The following SLC5A8 variants were observed in gnomAD, a reference collection of about 807,000 sequenced individuals.
SLC5A8 encodes sodium-coupled monocarboxylate transporter 1.
A neutral mutation model predicts 71.9 loss-of-function variants in SLC5A8; 55 were observed. That is an observed-to-expected ratio of 0.77 (90% CI 0.62 to 0.96). The LOEUF (loss-of-function observed/expected upper bound fraction) is 0.96, where lower values mean the gene tolerates loss of function less well. SLC5A8 is among the 40% of genes least tolerant of loss of function. SLC5A8 has a pLI of 0.00. For synonymous variants in SLC5A8, 307 were observed against 276.1 expected, an observed-to-expected ratio of 1.11 and a Z score of -1.11; for missense variants, 701 against 745.3, an observed-to-expected ratio of 0.94 and a Z score of 0.69.
At chr12:101,167,436 T>A (rs1299415260) in intron 11 of SLC5A8, among the ~76,000 whole-genome samples, 1 of 152,200 alleles carries the variant, frequency 6.6e-6, no homozygotes, top group Non-Finnish European at 1.5e-5. Context: ...ACATTATCAG[T>A]TTTTCCTGAA....
chr12:101,192,723 TTAGA>T (rs1443029299), intron 5 of SLC5A8, among the ~76,000 whole-genome samples: 1 of 152,210 alleles, frequency 6.6e-6, no homozygotes, highest in African/African-American at 2.4e-5. Context: ...ATACTTCATA[TTAGA>T]TAATGTTCAT....
chr12:101,182,825 C>T lies in SLC5A8; in HGVS notation c.1143G>A (p.Leu381=). 1 of 1,589,494 alleles carries T rather than the reference C, an allele frequency of 6.3e-7. No homozygotes were observed. The highest frequency in any genetic ancestry group is 8.5e-7 in the Non-Finnish European group (1 of 1,171,364). Residue 381 remains leucine, a synonymous_variant, in exon 9 of 15, where the codon CTG becomes CTA. Coordinates refer to ENST00000536262, the MANE Select transcript of SLC5A8 (RefSeq NM_145913.5). ...TACTCATTCCTTGGGAAATCCAAGACAGAGACCTTTCTGAGAGCGATCTGA... is the reference window on the plus strand; with the variant it reads ...TACTCATTCCTTGGGAAATCCAAGATAGAGACCTTTCTGAGAGCGATCTGA... The part of the protein sequence containing the change: ...PYFRSLSERS[L]SWISQGMSVV...
intron 10 of SLC5A8, among the ~76,000 whole-genome samples, chr12:101,176,529 T>A (rs1197754611): frequency 6.6e-6 from 1 of 151,946 alleles, no homozygotes; most frequent in Non-Finnish European, 1.5e-5. Context: ...AAATACCATA[T>A]CCTAGGTTAT....
chr12:101,169,837 T>G (rs915206886), intron 10 of SLC5A8, among the ~76,000 whole-genome samples: 1 of 152,222 alleles, frequency 6.6e-6, no homozygotes, highest in Non-Finnish European at 1.5e-5. Flanking sequence ...CGAAGTCATC[T>G]TCCCCACCTT....
At chr12:101,192,454 C>G (rs556974999) in intron 5 of SLC5A8, among the ~76,000 whole-genome samples, 1 of 152,260 alleles carries the variant, frequency 6.6e-6, no homozygotes, top group East Asian at 1.9e-4. Flanking sequence ...GGGCTGCGAT[C>G]TCAAAGAGAA....
In SLC5A8 at chr12:101,187,453, A is replaced by T. The variant is rs1417362261; in HGVS notation, c.896T>A (p.Leu299His). 3 of 1,614,042 alleles carry T rather than the reference A, an allele frequency of 1.9e-6. No individual in the cohort carries two copies. Among genetic ancestry groups the T allele is most frequent in the Non-Finnish European group, 2.5e-6 (3 of 1,179,956 alleles). Residue 299 changes from leucine to histidine, a missense_variant, in exon 7 of 15, where the codon CTC becomes CAC. Leu to His is a moderately conservative substitution (Grantham distance 99). Coordinates refer to ENST00000536262, the MANE Select transcript of SLC5A8 (RefSeq NM_145913.5). ...GTCATGGTACCTGGAATATAGGGCG[A>T]GCCCACAAAACACTGAGCATGTGAG... ...AILTCSVFCG[L>H]ALYSRYHDCD...
intron 6 of SLC5A8, among the ~76,000 whole-genome samples, chr12:101,187,982 G>A (rs1329122653): frequency 6.6e-6 from 1 of 152,208 alleles, no homozygotes; most frequent in Non-Finnish European, 1.5e-5. Flanking sequence ...CACACATTAA[G>A]TAGGAATGCA....
chr12:101,200,447 A>G (rs1454763887), intron 3 of SLC5A8, among the ~76,000 whole-genome samples: 1 of 152,152 alleles, frequency 6.6e-6, no homozygotes, highest in African/African-American at 2.4e-5. Context: ...GAAAAAAGAA[A>G]GAAAGAAAAA....
rs1869475863 is a variant in SLC5A8, at chr12:101,202,041, G to A, written c.469+123C>T. The A allele has an allele frequency of 5.2e-6, 5 of 961,558 alleles. No homozygotes were observed. In the Admixed American group the frequency reaches 8.3e-5, roughly 16 times the overall value. The allele number at this position is 961,558 out of a possible 1,614,324, so 59.6% of individuals were successfully genotyped here. On this transcript the variant is annotated intron_variant, in intron 3 of 14. Transcript: ENST00000536262. ...CACTGAACCCATCCTGCCCCGCTAA[G>A]TAAAGCTGATGCAGGTTACTAGAAG...
chr12:101,179,319 C>T (rs2051910283), intron 10 of SLC5A8, among the ~76,000 whole-genome samples: 1 of 152,154 alleles, frequency 6.6e-6, no homozygotes, highest in Non-Finnish European at 1.5e-5. Context: ...GAAATGAAGA[C>T]TTATGCTCAC....
At chr12:101,184,524 A>T (rs186734840) in intron 7 of SLC5A8, among the ~76,000 whole-genome samples, 5 of 152,356 alleles carry the variant, frequency 3.3e-5, no homozygotes, top group African/African-American at 9.6e-5. Flanking sequence ...GAGTTGCTGT[A>T]AAAGTTAATT....
At chr12:101,193,999 C>T (rs1197865825) in intron 4 of SLC5A8, among the ~76,000 whole-genome samples, 1 of 152,128 alleles carries the variant, frequency 6.6e-6, no homozygotes, top group African/African-American at 2.4e-5. Flanking sequence ...TTCCGCCCAG[C>T]AGAGAAAACA....
chr12:101,158,598 CTATATATATATATA>C (rs139268658), intron 13 of SLC5A8, among the ~76,000 whole-genome samples: 23 of 21,248 alleles, frequency 1.1e-3, no homozygotes, highest in African/African-American at 1.6e-3. Context: ...CTCTCTCTCT[CTATATATATATATA>C]TATATATATA....
intron 3 of SLC5A8, among the ~76,000 whole-genome samples, chr12:101,197,260 T>A (rs1412315048): frequency 6.6e-6 from 1 of 152,194 alleles, no homozygotes; most frequent in Non-Finnish European, 1.5e-5. Context: ...ATAGCAGTAT[T>A]CCATCTAACT....
Position 101,157,352 on chromosome 12 carries a change from G to T in SLC5A8, c.1760C>A (p.Thr587Asn). The change falls in exon 15 of 15, where the codon ACT (threonine) becomes AAT (asparagine). Residue 587 changes from threonine (T) to asparagine (N), a missense_variant. Physicochemically the swap from Thr to Asn is moderately conservative, Grantham distance 65. Coordinates refer to ENST00000536262, the MANE Select transcript of SLC5A8 (RefSeq NM_145913.5). ...AATGTGGTTGAAAGCAGGATTATCA[G>T]TTCCACCATCTTCCACTGGATGTGA... Reference protein sequence around the residue: ...YKSHPVEDGGTDNPAFNHIEL... With the variant: ...YKSHPVEDGGNDNPAFNHIEL... The T allele has an allele frequency of 6.2e-7, 1 of 1,612,718 alleles. No individual in the cohort carries two copies.
At chr12:101,163,770 G>A (rs1377013412) in intron 12 of SLC5A8, among the ~76,000 whole-genome samples, 2 of 152,208 alleles carry the variant, frequency 1.3e-5, no homozygotes, top group African/African-American at 4.8e-5. Context: ...TTGAGCCAAA[G>A]ACAGACAAAA....
At chr12:101,163,567 T>C (rs1295259390) in intron 12 of SLC5A8, among the ~76,000 whole-genome samples, 1 of 152,144 alleles carries the variant, frequency 6.6e-6, no homozygotes, top group African/African-American at 2.4e-5. Context: ...TAATCCCAGC[T>C]ACTTGGGAGG....
chr12:101,193,676 A>AT lies in SLC5A8; in HGVS notation c.640dup (p.Ile214AsnfsTer7). 6.2e-7 allele frequency: 1 copy of AT among 1,614,180 alleles called. No homozygotes were observed. The highest frequency in any genetic ancestry group is 8.5e-7 in the Non-Finnish European group (1 of 1,180,016). ...ATAGGCATCATTTAAAATAGTGCTG[A>AT]TTCCACCTTGCATCACCACAGCCTG... On this transcript the variant is annotated frameshift_variant, in exon 5 of 15. Transcript: ENST00000536262. LOFTEE classifies it high-confidence loss of function.
At chr12:101,157,830 A>C (rs1306240255) in intron 14 of SLC5A8, among the ~76,000 whole-genome samples, 3 of 152,196 alleles carry the variant, frequency 2.0e-5, no homozygotes, top group Non-Finnish European at 1.5e-5. Context: ...ATAGCTCATC[A>C]GAGAATAGAG....
Sources: gnomAD v4.1 joint callset for allele counts (sites outside exome capture counted in the v4.1 genomes callset) on GRCh38, gnomAD v4.1.1 for gene constraint, MANE v1.5 for transcripts, NCBI Gene and HGNC (gene_info 2026-07-23, HGNC 2026-07-21) for gene names.